The following CDH13 variants were observed in gnomAD, a reference collection of about 807,000 sequenced individuals.
CDH13 encodes the protein cadherin 13.
A neutral mutation model predicts 63.8 loss-of-function variants in CDH13; 24 were observed. That is an observed-to-expected ratio of 0.38 (90% confidence interval 0.27 to 0.53). The LOEUF is 0.53. Among genes scored for constraint, CDH13 ranks in the 20% least tolerant of loss-of-function variants. The pLI, the probability that CDH13 is intolerant of heterozygous loss-of-function variation, is 0.85. For synonymous variants in CDH13, 503 were observed against 355.3 expected (o/e 1.42, Z -4.67); for missense variants, 1,049 against 903.1 (o/e 1.16, Z -2.07).
intron 2 of CDH13, among the ~76,000 whole-genome samples, chr16:83,000,469 C>T (rs1373807824): frequency 6.6e-6 from 1 of 150,446 alleles, no homozygotes; most frequent in Non-Finnish European, 1.5e-5. Context: ...AGGTTGGTCT[C>T]ACTACTGACC....
At chr16:83,493,358 T>G (rs1212191493) in intron 7 of CDH13, among the ~76,000 whole-genome samples, 2 of 152,218 alleles carry the variant, frequency 1.3e-5, no homozygotes, top group East Asian at 3.9e-4. Context: ...CCTACAAAAT[T>G]CAGCAATAAA....
chr16:83,400,806 G>A (rs2091956874), intron 6 of CDH13, among the ~76,000 whole-genome samples: 1 of 152,128 alleles, frequency 6.6e-6, no homozygotes, highest in African/African-American at 2.4e-5. Flanking sequence ...TGTTTAGAAT[G>A]GCACGTACCT....
chr16:83,452,888 G>T (rs1336847010), intron 6 of CDH13, among the ~76,000 whole-genome samples: 1 of 152,092 alleles, frequency 6.6e-6, no homozygotes, highest in South Asian at 2.1e-4. Context: ...TTTGTTCCAG[G>T]AACACCAGCA....
intron 1 of CDH13, among the ~76,000 whole-genome samples, chr16:82,638,472 T>C (rs960306619): frequency 6.6e-6 from 1 of 152,212 alleles, no homozygotes; most frequent in African/African-American, 2.4e-5. Flanking sequence ...TTTGTGAGAA[T>C]TAAATAAGTG....
At chr16:82,724,912 C>G (rs2033005672) in intron 1 of CDH13, among the ~76,000 whole-genome samples, 1 of 152,124 alleles carries the variant, frequency 6.6e-6, no homozygotes, top group South Asian at 2.1e-4. Flanking sequence ...ACTCAGCTTC[C>G]CCACCTATAA....
chr16:83,671,219 G>C (rs1914472267), intron 9 of CDH13, among the ~76,000 whole-genome samples: 1 of 152,108 alleles, frequency 6.6e-6, no homozygotes. Context: ...GTAACTTTAA[G>C]AAAACCAAAC....
intron 1 of CDH13, among the ~76,000 whole-genome samples, chr16:82,710,226 C>T (rs1366734087): frequency 7.1e-6 from 1 of 141,504 alleles, no homozygotes; most frequent in African/African-American, 2.6e-5. Flanking sequence ...TATTTATATT[C>T]ATAAATTTAT....
At chr16:83,045,471 T>A (rs1310133386) in intron 3 of CDH13, among the ~76,000 whole-genome samples, 1 of 151,812 alleles carries the variant, frequency 6.6e-6, no homozygotes, top group Admixed American at 6.6e-5. Context: ...ACCCTATCTC[T>A]ACTAAAAATA....
chr16:83,398,494 A>G (rs2091920023), intron 6 of CDH13, among the ~76,000 whole-genome samples: 2 of 152,130 alleles, frequency 1.3e-5, no homozygotes, highest in African/African-American at 4.8e-5. Flanking sequence ...GGATGGTCTC[A>G]TCTCATCTTG....
chr16:83,362,876 T>G (rs937493420), intron 6 of CDH13, among the ~76,000 whole-genome samples: 5 of 152,204 alleles, frequency 3.3e-5, no homozygotes, highest in African/African-American at 4.8e-5. Flanking sequence ...TTATGGGAGA[T>G]GCAACAGGCA....
intron 1 of CDH13, among the ~76,000 whole-genome samples, chr16:82,810,084 G>A (rs2037365040): frequency 6.6e-6 from 1 of 152,200 alleles, no homozygotes; most frequent in African/African-American, 2.4e-5. Context: ...TTACTTAGTT[G>A]CTGACAACCC....
intron 6 of CDH13, among the ~76,000 whole-genome samples, chr16:83,388,601 C>T (rs1176073780): frequency 6.6e-6 from 1 of 152,200 alleles, no homozygotes; most frequent in African/African-American, 2.4e-5. Flanking sequence ...TTGCCTTGCA[C>T]TCTTCCCATG....
intron 2 of CDH13, among the ~76,000 whole-genome samples, chr16:82,927,259 TA>T (rs931528762): frequency 2.6e-5 from 4 of 152,164 alleles, no homozygotes; most frequent in African/African-American, 9.6e-5. Context: ...GGGGCAGTCA[TA>T]GATTCCCCTG....
Position 83,176,866 on chromosome 16 carries a change from C to G in CDH13, c.484-40479C>G, listed in dbSNP as rs1392952475. On this transcript the variant is annotated intron_variant, in intron 4 of 13. Transcript: ENST00000567109. ...CCTGGGTCTTAAGTCTGAGCGAGCC[C>G]TTAGTTACCTTCCTCTCCCATCAGC... Among the ~76,000 whole-genome samples, 5 of 152,240 alleles carry G rather than the reference C, an allele frequency of 3.3e-5. No homozygotes were observed. In the East Asian group the frequency reaches 9.6e-4, roughly 29 times the overall value.
At chr16:82,856,468 G>T (rs185610035) in intron 1 of CDH13, among the ~76,000 whole-genome samples, 1 of 151,334 alleles carries the variant, frequency 6.6e-6, no homozygotes, top group Admixed American at 6.6e-5. Context: ...TTGGGAAGTC[G>T]AGGTGGGTGG....
At chr16:83,783,561 C>T in intron 13 of CDH13, 89 bp downstream of exon 13, 1 of 955,088 alleles carries the variant, frequency 1.0e-6, no homozygotes, top group South Asian at 1.3e-5. Context: ...TATACCTTTC[C>T]AAGAAGATGT....
At chr16:83,048,932 T>A (rs568015407) in intron 3 of CDH13, among the ~76,000 whole-genome samples, 1 of 152,242 alleles carries the variant, frequency 6.6e-6, no homozygotes, top group African/African-American at 2.4e-5. Context: ...CCTTGCAAGT[T>A]CATACCTTAA....
chr16:83,522,502 G>T (rs142850069), intron 7 of CDH13, among the ~76,000 whole-genome samples: 69 of 152,200 alleles, frequency 4.5e-4, no homozygotes, highest in Non-Finnish European at 8.1e-4. Flanking sequence ...ACTTGAAGCT[G>T]GTAATACTTC....
intron 2 of CDH13, among the ~76,000 whole-genome samples, chr16:82,949,810 T>C (rs1442872985): frequency 6.6e-6 from 1 of 152,116 alleles, no homozygotes; most frequent in East Asian, 1.9e-4. Flanking sequence ...TAATTATAAG[T>C]TGCTTTGCTT....
Sources: allele counts gnomAD v4.1 joint callset (sites outside exome capture counted in the v4.1 genomes callset), GRCh38; gene constraint gnomAD v4.1.1; transcripts MANE v1.5; gene names NCBI Gene and HGNC (gene_info 2026-07-23, HGNC 2026-07-21).